The following CDC16 variants were observed in gnomAD, a reference collection of about 807,000 sequenced individuals.
CDC16 encodes the protein cell division cycle 16, also known as cell division cycle protein 16 homolog.
A neutral mutation model predicts 87.0 loss-of-function variants in CDC16; 34 were observed. That is an observed-to-expected ratio of 0.39 (90% CI 0.30 to 0.52). The LOEUF (loss-of-function observed/expected upper bound fraction) is 0.52. Among genes scored for constraint, CDC16 ranks in the 20% least tolerant of loss-of-function variants. CDC16 has a pLI of 0.74. For missense variants in CDC16, 653 were observed against 751.9 expected, an observed-to-expected ratio of 0.87 and a Z score of 1.54; for synonymous variants, 263 against 260.6, an observed-to-expected ratio of 1.01 and a Z score of -0.09.
At chr13:114,240,306 C>T (rs1271923689) in intron 5 of CDC16, among the ~76,000 whole-genome samples, 2 of 152,050 alleles carry the variant, frequency 1.3e-5, no homozygotes, top group Non-Finnish European at 2.9e-5. Context: ...ACCTCCCAAG[C>T]TCAAGTGATT....
At chr13:114,258,268 A>G (rs975956777) in intron 13 of CDC16, among the ~76,000 whole-genome samples, 5 of 152,182 alleles carry the variant, frequency 3.3e-5, no homozygotes, top group African/African-American at 1.2e-4. Context: ...TAACCGCCAA[A>G]TCAGTTCCTG....
intron 16 of CDC16, chr13:114,264,186 C>T (rs2083035899): frequency 6.6e-6 from 1 of 152,176 alleles, no homozygotes; most frequent in Non-Finnish European, 1.5e-5. Context: ...TTTTCTAGTC[C>T]TGTATGATCT....
chr13:114,239,063 G>A (rs1242328298), intron 4 of CDC16, 35 bp downstream of exon 4: 3 of 1,604,704 alleles, frequency 1.9e-6, no homozygotes, highest in South Asian at 1.1e-5. Context: ...TTATTTGGTT[G>A]AATAAAATGA....
At chr13:114,271,460 T>C (rs1416591965) in intron 17 of CDC16, among the ~76,000 whole-genome samples, 2 of 152,016 alleles carry the variant, frequency 1.3e-5, no homozygotes, top group Non-Finnish European at 1.5e-5. Flanking sequence ...TTGGTGACTA[T>C]ACCCAATGGG....
Position 114,235,112 on chromosome 13 carries a change from G to A in CDC16, c.28G>A (p.Val10Ile). The A allele has an allele frequency of 1.6e-6, 2 of 1,245,842 alleles. No homozygotes were observed. Among genetic ancestry groups the A allele is most frequent in the African/African-American group, 1.5e-5 (1 of 64,632 alleles). 77.2% of individuals were successfully genotyped at this position (1,245,842 alleles called of 1,614,324 possible). A position where few individuals can be genotyped will look rare whatever the true frequency, so the allele number is the denominator to read the frequency against. MNLERLRKR[V>I]RQYLDQQQYQ... ...GAACCTAGAGCGGCTGCGGAAGCGCGTCCGGCAGTACCTCGACCAGGTGGG... is the reference window on the plus strand; with the variant it reads ...GAACCTAGAGCGGCTGCGGAAGCGCATCCGGCAGTACCTCGACCAGGTGGG... Residue 10 changes from valine (V) to isoleucine (I), a missense_variant, in exon 1 of 18, where the codon GTC becomes ATC. Physicochemically the swap from Val to Ile is conservative, Grantham distance 29. Transcript: ENST00000356221.
intron 17 of CDC16, 60 bp downstream of exon 17, chr13:114,265,300 CTGTT>C: frequency 9.5e-7 from 1 of 1,049,172 alleles, no homozygotes. Context: ...TCATATGTCT[CTGTT>C]TATGTTTCTC....
At chr13:114,268,712 CAG>C (rs575078314) in intron 17 of CDC16, among the ~76,000 whole-genome samples, 2 of 152,266 alleles carry the variant, frequency 1.3e-5, no homozygotes, top group South Asian at 4.1e-4. Flanking sequence ...GCCAGCTACT[CAG>C]GGGGCTGAGG....
In CDC16 at chr13:114,257,178, G is replaced by A. The variant is rs1483955611; in HGVS notation, c.1198G>A (p.Glu400Lys). 19 of 1,613,622 alleles carry A rather than the reference G, an allele frequency of 1.2e-5. No individual in the cohort carries two copies. The highest frequency in any genetic ancestry group is 1.6e-5 in the Non-Finnish European group (19 of 1,179,662). Residue 400 changes from glutamate to lysine, a missense_variant, in exon 13 of 18, where the codon GAA (glutamate) becomes AAA (lysine). Coordinates refer to ENST00000356221, the MANE Select transcript of CDC16 (RefSeq NM_001078645.3). ...CAGCCAAGCTCTGAGCATTGCACCG[G>A]AAGACCCTTTTGTTATGCATGAGGT... is the stretch of plus-strand genomic sequence containing the variant. The part of the protein sequence containing the change: ...FFSQALSIAP[E>K]DPFVMHEVGV...
At position 114,257,073 on chromosome 13, in the gene CDC16, T is replaced by G; in HGVS notation, c.1098-5T>G. 1 of 1,523,698 alleles carries G rather than the reference T, an allele frequency of 6.6e-7. No homozygotes were observed. Among genetic ancestry groups the G allele is most frequent in the Non-Finnish European group, 8.9e-7 (1 of 1,124,450 alleles). The allele number at this position is 1,523,698 out of a possible 1,614,324, so 94.4% of individuals were successfully genotyped here. A position where few individuals can be genotyped will look rare whatever the true frequency, so the allele number is the denominator to read the frequency against. ...TTGAATATGTGAAATTTTCCAATTTTTTAGGTGTCATTTGCCTATGCTGTA... is the reference window on the plus strand; with the variant it reads ...TTGAATATGTGAAATTTTCCAATTTGTTAGGTGTCATTTGCCTATGCTGTA... On this transcript the variant is annotated splice_polypyrimidine_tract_variant and splice_region_variant and intron_variant, in intron 12 of 17. Transcript: ENST00000356221.
chr13:114,243,876 G>T lies in CDC16; in HGVS notation c.654G>T (p.Thr218=). 6 of 1,609,608 alleles carry T rather than the reference G, an allele frequency of 3.7e-6. No homozygotes were observed. Among genetic ancestry groups the T allele is most frequent in the Non-Finnish European group, 5.1e-6 (6 of 1,176,670 alleles). ...TTCAGTATAATAAGCCTAGTGAAAC[G>T]GTCATCCCTGAATCTGTAGATGGCT... ...KLKKYNKPSE[T]VIPESVDGLQ... Residue 218 remains threonine, a synonymous_variant, in exon 8 of 18, where the codon ACG becomes ACT. Coordinates refer to ENST00000356221, the MANE Select transcript of CDC16 (RefSeq NM_001078645.3).
intron 17 of CDC16, among the ~76,000 whole-genome samples, chr13:114,265,920 A>G (rs1594680401): frequency 6.6e-6 from 1 of 151,928 alleles, no homozygotes; most frequent in Non-Finnish European, 1.5e-5. Context: ...GGTTCAAGCT[A>G]TTCTCCTACC....
Position 114,242,300 on chromosome 13 carries a change from T to A in CDC16, c.541+20T>A. 3.8e-6 allele frequency: 6 copies of A among 1,595,078 alleles called. No homozygotes were observed. Among genetic ancestry groups the A allele is most frequent in the Non-Finnish European group, 5.1e-6 (6 of 1,174,754 alleles). On this transcript the variant is annotated intron_variant, in intron 6 of 17. Transcript: ENST00000356221. ...AAGAAGGTTTGGAAACTCAGGCTTT[T>A]TTGTTTTATGTTTAGCAAAATTAAT...
At position 114,243,895 on chromosome 13, in the gene CDC16, G is replaced by A; in HGVS notation, c.673G>A (p.Asp225Asn). ...TGAAACGGTCATCCCTGAATCTGTA[G>A]ATGGCTTGCAAGAGAATCTGGATGT... ...PSETVIPESV[D>N]GLQENLDVVV... Residue 225 changes from aspartate to asparagine, a missense_variant, in exon 8 of 18, where the codon GAT becomes AAT. Physicochemically the swap from Asp to Asn is conservative, Grantham distance 23. Coordinates refer to ENST00000356221, the MANE Select transcript of CDC16 (RefSeq NM_001078645.3). 2.5e-6 allele frequency: 4 copies of A among 1,609,080 alleles called. No homozygotes were observed. The South Asian group carries it at 4.4e-5, about 18-fold the overall frequency.
chr13:114,255,981 G>C (rs1438524003), intron 12 of CDC16, among the ~76,000 whole-genome samples: 1 of 152,238 alleles, frequency 6.6e-6, no homozygotes, highest in Non-Finnish European at 1.5e-5. Flanking sequence ...TGGGGTGTTT[G>C]AGGAACTCTA....
intron 12 of CDC16, 77 bp downstream of exon 12, chr13:114,250,751 T>A: frequency 7.2e-7 from 1 of 1,397,554 alleles, no homozygotes; most frequent in Non-Finnish European, 9.9e-7. Context: ...TTACTATTAC[T>A]GCTATTTGGT....
At chr13:114,236,989 G>A (rs2081284711) in intron 3 of CDC16, 93 bp downstream of exon 3, 6 of 690,100 alleles carry the variant, frequency 8.7e-6, no homozygotes, top group Non-Finnish European at 1.4e-5. Context: ...TAATCCCAGC[G>A]CTTTGGAAAG....
At chr13:114,268,903 G>C (rs2083421453) in intron 17 of CDC16, among the ~76,000 whole-genome samples, 1 of 152,218 alleles carries the variant, frequency 6.6e-6, no homozygotes, top group Non-Finnish European at 1.5e-5. Context: ...GTGTTGGTGT[G>C]ATGTGGAGCA....
rs773040837 is a variant in CDC16, at chr13:114,272,474, C to T, written c.*31C>T. The T allele has an allele frequency of 6.3e-7, 1 of 1,599,810 alleles. No individual in the cohort carries two copies. Among genetic ancestry groups the T allele is most frequent in the South Asian group, 1.1e-5 (1 of 89,822 alleles). On this transcript the variant is annotated 3_prime_UTR_variant, in exon 18 of 18. Coordinates refer to ENST00000356221, the MANE Select transcript of CDC16 (RefSeq NM_001078645.3). ...GTCAGTGGTCCTGGTCCCACTGTCC[C>T]AGTGTAGGTTAGTATTCCTTCACAT...
intron 16 of CDC16, 176 bp from the exon 17 acceptor site, chr13:114,264,974 A>G: frequency 1.8e-6 from 1 of 556,268 alleles, no homozygotes; most frequent in Non-Finnish European, 3.3e-6. Context: ...GAATAGTGTG[A>G]TGAACCTCCA....
Sources: allele counts gnomAD v4.1 joint callset (sites outside exome capture counted in the v4.1 genomes callset), GRCh38; gene constraint gnomAD v4.1.1; transcripts MANE v1.5; gene names NCBI Gene and HGNC (gene_info 2026-07-23, HGNC 2026-07-21).